Variants in MTFR2 observed in about 807,000 individuals in gnomAD.
The protein encoded by MTFR2 is DUF729 domain-containing protein 1.
In MTFR2, 44 loss-of-function variants were observed where a neutral mutation model predicts 41.2. That is an observed-to-expected ratio of 1.07 (90% confidence interval 0.84 to 1.37). MTFR2 has a LOEUF of 1.37. MTFR2 is among the 40% of genes most tolerant of loss of function. MTFR2 has a pLI of 0.00. For synonymous variants in MTFR2, 141 were observed against 154.6 expected (o/e 0.91, Z 0.65); for missense variants, 452 against 459.5 (o/e 0.98, Z 0.15).
Position 136,242,919 on chromosome 6 carries a change from A to T in MTFR2, c.223T>A (p.Ser75Thr). ...DSDNCGSMVP[S>T]FADILYVAND... ...GCCACATACAAAATATCAGCAAAAG[A>T]TGGAACCATAGATCCACAATTATCA... is the stretch of plus-strand genomic sequence containing the variant. The change falls in exon 4 of 8, where the codon TCT (serine) becomes ACT (threonine). Residue 75 changes from serine (S) to threonine (T), a missense_variant. By Grantham distance (58) the Ser-to-Thr change is moderately conservative (BLOSUM62 1). Coordinates refer to ENST00000420702, the MANE Select transcript of MTFR2 (RefSeq NM_001099286.3). The T allele has an allele frequency of 6.2e-7, 1 of 1,613,494 alleles. No homozygotes were observed. The highest frequency in any genetic ancestry group is 2.2e-5 in the East Asian group (1 of 44,860).
chr6:136,241,634 A>G lies in MTFR2; in HGVS notation c.324T>C (p.Phe108=). ...GATCCCGAACTAGTCGCAAAGGATG[A>G]AAAATTTCCACTTTCTCTTCTTCAT... ...WKNEEEKVEI[F]HPLRLVRDPL... Residue 108 remains phenylalanine (F), a synonymous_variant, in exon 5 of 8, where the codon TTT becomes TTC. Transcript: ENST00000420702. 1 of 1,613,226 alleles carries G rather than the reference A, an allele frequency of 6.2e-7. No individual in the cohort carries two copies. The highest frequency in any genetic ancestry group is 8.5e-7 in the Non-Finnish European group (1 of 1,179,784).
intron 4 of MTFR2, among the ~76,000 whole-genome samples, chr6:136,242,079 C>CAA (rs548176168): frequency 0.012 from 211 of 17,446 alleles, 19 homozygotes; most frequent in East Asian, 0.095. Context: ...GACTCTGTCT[C>CAA]AAAAAAAAAA....
At position 136,241,602 on chromosome 6, in the gene MTFR2, G is replaced by A. The variant is rs1780071545; in HGVS notation, c.356C>T (p.Ser119Leu). 6.2e-7 allele frequency: 1 copy of A among 1,614,124 alleles called. No individual in the cohort carries two copies. The highest frequency in any genetic ancestry group is 1.3e-5 in the African/African-American group (1 of 75,014). The part of the protein sequence containing the change: ...HPLRLVRDPL[S>L]PAVRQKETVK... The stretch of plus-strand genomic sequence containing the variant: ...AGTTTCTTTCTGTCTTACAGCAGGT[G>A]ACAGTGGATCCCGAACTAGTCGCAA... Residue 119 changes from serine (S) to leucine (L), a missense_variant, in exon 5 of 8, where the codon TCA (serine) becomes TTA (leucine). Physicochemically the swap from Ser to Leu is moderately radical, Grantham distance 145 (BLOSUM62 -2). Coordinates refer to ENST00000420702, the MANE Select transcript of MTFR2 (RefSeq NM_001099286.3).
chr6:136,246,644 C>G (rs549128934), intron 2 of MTFR2, among the ~76,000 whole-genome samples: 1 of 152,202 alleles, frequency 6.6e-6, no homozygotes, highest in South Asian at 2.1e-4. Flanking sequence ...CACATTTTGA[C>G]TTTACTAATT....
chr6:136,243,105 T>G, intron 3 of MTFR2, 132 bp from the exon 4 acceptor site: 4 of 523,272 alleles, frequency 7.6e-6, no homozygotes, highest in South Asian at 3.4e-5. Context: ...GAAAAACATG[T>G]ACCTGTTAGC....
intron 2 of MTFR2, chr6:136,247,372 C>A: frequency 5.7e-6 from 2 of 353,048 alleles, no homozygotes; most frequent in South Asian, 2.2e-5. Flanking sequence ...AATCTCTTTT[C>A]ACTCTCTCTC....
At chr6:136,238,678 C>CCA (rs60002962) in intron 6 of MTFR2, among the ~76,000 whole-genome samples, 33,132 of 146,282 alleles carry the variant, frequency 0.23, 3,557 homozygotes, top group East Asian at 0.25. Context: ...TGTTTTTTCA[C>CCA]CACACACACA....
Position 136,245,823 on chromosome 6 carries a change from A to G in MTFR2, c.64-954T>C, listed in dbSNP as rs180782559. On this transcript the variant is annotated intron_variant, in intron 2 of 7. Coordinates refer to ENST00000420702, the MANE Select transcript of MTFR2 (RefSeq NM_001099286.3). ...TTTTGAGTGATGCTCAACCGATAAT[A>G]TTTTTAAATTGCTAAGATTATTTTA... Among the ~76,000 whole-genome samples, 332 of 152,282 alleles carry G rather than the reference A, an allele frequency of 2.2e-3. 3 individuals carry two copies. Among genetic ancestry groups the G allele is most frequent in the African/African-American group, 7.7e-3 (322 of 41,566 alleles).
chr6:136,249,240 GAC>G, intron 1 of MTFR2, 87 bp from the exon 2 acceptor site: 1 of 556,932 alleles, frequency 1.8e-6, no homozygotes, highest in South Asian at 2.7e-5. Flanking sequence ...CTTGATACAC[GAC>G]ACAGTCAACT....
At chr6:136,239,272 C>A (rs1018782257) in intron 6 of MTFR2, among the ~76,000 whole-genome samples, 194 bp downstream of exon 6, 1 of 151,550 alleles carries the variant, frequency 6.6e-6, no homozygotes, top group Non-Finnish European at 1.5e-5. Flanking sequence ...TATGTTGTTT[C>A]AAAAATATGG....
At position 136,241,532 on chromosome 6, in the gene MTFR2, T is replaced by C. The variant is rs1159599253; in HGVS notation, c.426A>G (p.Ile142Met). Residue 142 changes from isoleucine (I) to methionine (M), a missense_variant, in exon 5 of 8, where the codon ATA becomes ATG. By Grantham distance (10) the Ile-to-Met change is conservative (BLOSUM62 1). Coordinates refer to ENST00000420702, the MANE Select transcript of MTFR2 (RefSeq NM_001099286.3). ...LPVNEAAIRK[I>M]AALENELTFL... is the part of the protein sequence containing the mutation. The stretch of plus-strand genomic sequence containing the variant: ...AAGTCAGCTCATTTTCAAGGGCAGC[T>C]ATTTTTCTAATTGCAGCTTCATTTA... 5 of 1,614,186 alleles carry C rather than the reference T, an allele frequency of 3.1e-6. No individual in the cohort carries two copies. The highest frequency in any genetic ancestry group is 3.4e-6 in the Non-Finnish European group (4 of 1,180,030).
rs10484486 is a variant in MTFR2 at position 136,239,936 on chromosome 6, T to G, written c.515-116A>C. 0.015 allele frequency: 11,525 copies of G among 769,064 alleles called. 969 individuals are homozygous for G. In the African/African-American group the frequency reaches 0.18, roughly 12 times the overall value. The allele number at this position is 769,064 out of a possible 1,614,324, so 47.6% of individuals were successfully genotyped here. A position where few individuals can be genotyped will look rare whatever the true frequency, so the allele number is the denominator to read the frequency against. On this transcript the variant is annotated intron_variant, in intron 5 of 7. Coordinates refer to ENST00000420702, the MANE Select transcript of MTFR2 (RefSeq NM_001099286.3). ...AATTTCTGTAATGCTAGTAGCGATA[T>G]GGTAGCAAGGAAAGAGTGTCAATCC...
intron 7 of MTFR2, among the ~76,000 whole-genome samples, chr6:136,231,826 G>A (rs980089786): frequency 3.3e-5 from 5 of 152,126 alleles, no homozygotes; most frequent in African/African-American, 7.2e-5. Context: ...TTCCACCTAC[G>A]GGAACTTCTT....
chr6:136,239,607 G>A lies in MTFR2; in HGVS notation c.728C>T (p.Ala243Val), dbSNP rs770609640. 2.9e-5 allele frequency: 46 copies of A among 1,613,926 alleles called. No homozygotes were observed. In the Admixed American group the frequency reaches 4.8e-4, roughly 17 times the overall value. Residue 243 changes from alanine (A) to valine (V), a missense_variant, in exon 6 of 8, where the codon GCA becomes GTA. Physicochemically the swap from Ala to Val is moderately conservative, Grantham distance 64. Transcript: ENST00000420702. Reference protein sequence around the residue: ...SNNICDSDNPATEMSKQNPAA... With the variant: ...SNNICDSDNPVTEMSKQNPAA... ...CGGGTTCTGTTTGCTCATTTCAGTT[G>A]CTGGATTATCTGAGTCACAAATATT...
intron 6 of MTFR2, among the ~76,000 whole-genome samples, chr6:136,233,892 GTTCA>G (rs1392509566): frequency 3.3e-5 from 5 of 151,638 alleles, no homozygotes; most frequent in Non-Finnish European, 7.4e-5. Flanking sequence ...TTGTTTGGTT[GTTCA>G]TTCATTTAAT....
chr6:136,243,730 A>G (rs956621798), intron 3 of MTFR2, among the ~76,000 whole-genome samples: 3 of 151,630 alleles, frequency 2.0e-5, no homozygotes, highest in Non-Finnish European at 2.9e-5. Flanking sequence ...AAAAAAAAAA[A>G]AGTTAACTAT....
chr6:136,243,792 T>TA (rs1365212600), intron 3 of MTFR2, among the ~76,000 whole-genome samples: 1 of 152,002 alleles, frequency 6.6e-6, no homozygotes, highest in African/African-American at 2.4e-5. Context: ...AAGGTATTGT[T>TA]ATTATAGGAG....
rs1779741865 is a variant in MTFR2, at chr6:136,231,167, C to T, written c.*108G>A. On this transcript the variant is annotated 3_prime_UTR_variant, in exon 8 of 8. Transcript: ENST00000420702. Reference sequence around the variant, plus strand: ...GTAGGCAAAATGTGTCAAGAAGAGTCTTTAAATACATCTACTTTTAGCCTT... The same window carrying T: ...GTAGGCAAAATGTGTCAAGAAGAGTTTTTAAATACATCTACTTTTAGCCTT... 1 of 704,266 alleles carries T rather than the reference C, an allele frequency of 1.4e-6. No individual in the cohort carries two copies. Among genetic ancestry groups the T allele is most frequent in the Non-Finnish European group, 2.4e-6 (1 of 420,288 alleles). The allele number at this position is 704,266 out of a possible 1,614,324, so 43.6% of individuals were successfully genotyped here. A position where few individuals can be genotyped will look rare whatever the true frequency, so the allele number is the denominator to read the frequency against.
Position 136,233,334 on chromosome 6 carries a change from T to C in MTFR2, c.1035A>G (p.Glu345=), listed in dbSNP as rs772388627. Reference sequence around the variant, plus strand: ...CATTAGTGTAGCTTACCCTTGAAGTTTCTGGACTAGAAAATGGGGAAGATT... The same window carrying C: ...CATTAGTGTAGCTTACCCTTGAAGTCTCTGGACTAGAAAATGGGGAAGATT... ...SWESSPFSSP[E]TSRFGHHISQ... The change falls in exon 7 of 8, where the codon GAA becomes GAG. Residue 345 remains glutamate (E), a synonymous_variant. Coordinates refer to ENST00000420702, the MANE Select transcript of MTFR2 (RefSeq NM_001099286.3). 6.2e-7 allele frequency: 1 copy of C among 1,612,378 alleles called. No homozygotes were observed. The highest frequency in any genetic ancestry group is 8.5e-7 in the Non-Finnish European group (1 of 1,178,944).
Sources: gnomAD v4.1 joint callset for allele counts (sites outside exome capture counted in the v4.1 genomes callset) on GRCh38, gnomAD v4.1.1 for gene constraint, MANE v1.5 for transcripts, NCBI Gene and HGNC (gene_info 2026-07-23, HGNC 2026-07-21) for gene names.